The following NIPAL2 variants were observed in gnomAD, a reference collection of about 807,000 sequenced individuals.
The protein encoded by NIPAL2 is NIPA-like protein 2.
A neutral mutation model predicts 48.9 loss-of-function variants in NIPAL2; 43 were observed. The ratio of observed to expected loss-of-function variants is 0.88; its 90% confidence interval spans 0.69 to 1.13. The LOEUF (loss-of-function observed/expected upper bound fraction) is 1.13, where lower values mean the gene tolerates loss of function less well. Ranked by LOEUF, NIPAL2 falls within the 50% of genes most tolerant of loss-of-function variation. The probability of loss-of-function intolerance (pLI) is 0.00; values close to 1 mark genes in which losing one functional copy is unlikely to be tolerated. For missense variants in NIPAL2, 446 were observed against 461.4 expected (o/e 0.97, Z 0.31); for synonymous variants, 167 against 174.6 (o/e 0.96, Z 0.34).
intron 1 of NIPAL2, among the ~76,000 whole-genome samples, chr8:98,291,048 G>A (rs1816462332): frequency 6.6e-6 from 1 of 152,126 alleles, no homozygotes; most frequent in African/African-American, 2.4e-5. Context: ...ACTGAATCCT[G>A]CTAGCCTTAA....
chr8:98,237,776 C>T (rs1438588188), intron 3 of NIPAL2, among the ~76,000 whole-genome samples: 1 of 152,200 alleles, frequency 6.6e-6, no homozygotes, highest in Non-Finnish European at 1.5e-5. Flanking sequence ...CAGCTCTAGA[C>T]TCAAGTGTCA....
At chr8:98,194,691 G>T in intron 10 of NIPAL2, 37 bp downstream of exon 10, 1 of 1,164,312 alleles carries the variant, frequency 8.6e-7, no homozygotes, top group Non-Finnish European at 1.2e-6. Context: ...CATTTATAAG[G>T]ATCAAATTTT....
At chr8:98,199,957 AC>A (rs1810727576) in intron 8 of NIPAL2, among the ~76,000 whole-genome samples, 1 of 151,808 alleles carries the variant, frequency 6.6e-6, no homozygotes, top group Non-Finnish European at 1.5e-5. Flanking sequence ...TTTATTTTTA[AC>A]TTTTATTTAT....
intron 1 of NIPAL2, among the ~76,000 whole-genome samples, chr8:98,255,745 A>T (rs1195106294): frequency 6.6e-6 from 1 of 152,218 alleles, no homozygotes; most frequent in Non-Finnish European, 1.5e-5. Flanking sequence ...ATTTACATCT[A>T]ATGTACTTGG....
At chr8:98,262,579 C>T (rs1454469823) in intron 1 of NIPAL2, among the ~76,000 whole-genome samples, 2 of 150,498 alleles carry the variant, frequency 1.3e-5, no homozygotes, top group East Asian at 3.9e-4. Flanking sequence ...GAAGAGCTAA[C>T]TATCCTAAAT....
At chr8:98,222,993 C>T (rs546013603) in intron 4 of NIPAL2, among the ~76,000 whole-genome samples, 1 of 152,272 alleles carries the variant, frequency 6.6e-6, no homozygotes, top group African/African-American at 2.4e-5. Flanking sequence ...CTAGATCTGT[C>T]TAGATCTAGA....
At chr8:98,288,611 G>A (rs1033815600) in intron 1 of NIPAL2, among the ~76,000 whole-genome samples, 4 of 150,088 alleles carry the variant, frequency 2.7e-5, no homozygotes, top group African/African-American at 4.9e-5. Flanking sequence ...CTGAGGAATC[G>A]CCACACTGAC....
At chr8:98,258,663 C>T (rs910053482) in intron 1 of NIPAL2, among the ~76,000 whole-genome samples, 4 of 152,228 alleles carry the variant, frequency 2.6e-5, no homozygotes, top group African/African-American at 9.6e-5. Flanking sequence ...AGAAGCCATA[C>T]TTCAACCAGT....
chr8:98,221,606 T>C (rs1056513208), intron 5 of NIPAL2, among the ~76,000 whole-genome samples: 2 of 152,166 alleles, frequency 1.3e-5, no homozygotes, highest in African/African-American at 4.8e-5. Context: ...ACGGTTTTGT[T>C]ACATAGGTAT....
chr8:98,234,633 G>A (rs1006827026), intron 4 of NIPAL2, among the ~76,000 whole-genome samples: 12 of 151,646 alleles, frequency 7.9e-5, no homozygotes, highest in South Asian at 4.2e-4. Context: ...CTGCAGCCTC[G>A]TCCTCCCAGG....
At chr8:98,206,703 G>A (rs1811056525) in intron 6 of NIPAL2, among the ~76,000 whole-genome samples, 1 of 151,358 alleles carries the variant, frequency 6.6e-6, no homozygotes, top group South Asian at 2.1e-4. Context: ...CAGGAGAATG[G>A]CGTGAACCCA....
At position 98,252,587 on chromosome 8, in the gene NIPAL2, G is replaced by C. The variant is rs148489806; in HGVS notation, c.252C>G (p.Tyr84Ter). Residue 84 changes from tyrosine to a stop codon, truncating the protein, a stop_gained, in exon 3 of 11, where the codon TAC becomes TAG. Transcript: ENST00000430223. LOFTEE classifies it high-confidence loss of function. ...QLAQQEHPRP[Y>*]FKSVLWWGGV... ...CACCCCACCACAGCACACTCTTGAA[G>C]TATGGCCTTGGGTGCTCTTGTTGTG... 14 of 1,613,862 alleles carry C rather than the reference G, an allele frequency of 8.7e-6. No individual in the cohort carries two copies. The highest frequency in any genetic ancestry group is 1.1e-5 in the Non-Finnish European group (13 of 1,180,012).
At chr8:98,265,467 C>T (rs1462394734) in intron 1 of NIPAL2, among the ~76,000 whole-genome samples, 3 of 124,812 alleles carry the variant, frequency 2.4e-5, no homozygotes, top group East Asian at 2.2e-4. Context: ...AAAAAGTGGG[C>T]GAAGGACATG....
intron 1 of NIPAL2, among the ~76,000 whole-genome samples, chr8:98,275,371 A>G (rs1017461908): frequency 6.6e-6 from 1 of 152,152 alleles, no homozygotes; most frequent in African/African-American, 2.4e-5. Flanking sequence ...AAGTATGTGT[A>G]CTTTTGAAGT....
chr8:98,226,322 G>A (rs971991954), intron 4 of NIPAL2, among the ~76,000 whole-genome samples: 1 of 152,086 alleles, frequency 6.6e-6, no homozygotes, highest in East Asian at 1.9e-4. Context: ...ATTTATTGTA[G>A]TCTTTGCAGT....
intron 1 of NIPAL2, among the ~76,000 whole-genome samples, chr8:98,290,102 A>T (rs7843440): frequency 0.17 from 25,875 of 152,180 alleles, 3,063 homozygotes; most frequent in African/African-American, 0.34. Context: ...TTGGGGCAAG[A>T]TATTTAACAC....
intron 4 of NIPAL2, among the ~76,000 whole-genome samples, chr8:98,235,390 G>A (rs1421792106): frequency 2.0e-5 from 3 of 152,206 alleles, no homozygotes; most frequent in Non-Finnish European, 4.4e-5. Context: ...AGCCAGGAAG[G>A]CTACTGTCAT....
intron 1 of NIPAL2, 51 bp from the exon 2 acceptor site, chr8:98,254,138 A>G (rs776675669): frequency 6.9e-7 from 1 of 1,450,508 alleles, no homozygotes; most frequent in Admixed American, 1.8e-5. Flanking sequence ...TATTTACTGG[A>G]AGAAAAAAGA....
At chr8:98,264,777 C>G (rs1173362375) in intron 1 of NIPAL2, among the ~76,000 whole-genome samples, 1 of 152,146 alleles carries the variant, frequency 6.6e-6, no homozygotes, top group Non-Finnish European at 1.5e-5. Context: ...TTGGAAAAAA[C>G]TACTTTAAAG....
Sources: gnomAD v4.1 joint callset for allele counts (sites outside exome capture counted in the v4.1 genomes callset) on GRCh38, gnomAD v4.1.1 for gene constraint, MANE v1.5 for transcripts, NCBI Gene and HGNC (gene_info 2026-07-23, HGNC 2026-07-21) for gene names.